The following ADGRB3 variants were observed in gnomAD, a reference collection of about 807,000 sequenced individuals.
The protein encoded by ADGRB3 is adhesion G protein-coupled receptor B3, also known as brain-specific angiogenesis inhibitor 3.
ADGRB3 carries 37 observed loss-of-function variants against 193.4 expected under a neutral mutation model. That is an observed-to-expected ratio of 0.19 (90% CI 0.15 to 0.25). The LOEUF (loss-of-function observed/expected upper bound fraction) is 0.25. Ranked by LOEUF, ADGRB3 falls within the 10% of genes least tolerant of loss-of-function variation. The probability of loss-of-function intolerance (pLI) is 1.00; values close to 1 mark genes in which losing one functional copy is unlikely to be tolerated. For synonymous variants in ADGRB3, 690 were observed against 644.2 expected (o/e 1.07, Z -1.08); for missense variants, 1,637 against 1,852.9 (o/e 0.88, Z 2.14).
At chr6:69,354,481 AT>A (rs1486987777) in intron 27 of ADGRB3, among the ~76,000 whole-genome samples, 153 bp downstream of exon 27, 1 of 152,192 alleles carries the variant, frequency 6.6e-6, no homozygotes, top group Non-Finnish European at 1.5e-5. Context: ...CCACAGAAGT[AT>A]TATTTCCAGA....
intron 13 of ADGRB3, 101 bp from the exon 14 acceptor site, chr6:69,048,084 A>C: frequency 7.8e-7 from 1 of 1,279,422 alleles, no homozygotes; most frequent in Non-Finnish European, 1.1e-6. Context: ...TTTTGACTTG[A>C]AATTTTATTT....
chr6:69,096,363 G>GTT lies in ADGRB3; in HGVS notation c.2480+20339_2480+20340dup, dbSNP rs70987448. ...AGAAAGAGGGTTTTTATTGTTTTGG[G>GTT]TTTTTTTTTTTTTTTGCTTATCTTT... On this transcript the variant is annotated intron_variant, in intron 17 of 31. Coordinates refer to ENST00000370598, the MANE Select transcript of ADGRB3 (RefSeq NM_001704.3). Among the ~76,000 whole-genome samples the GTT allele has an allele frequency of 9.6e-3, 1,271 of 132,588 alleles. 5 individuals carry two copies. Among genetic ancestry groups the GTT allele is most frequent in the African/African-American group, 0.014 (487 of 35,262 alleles). The allele number at this position is 132,588 out of a possible 152,430, so 87.0% of individuals were successfully genotyped here. A position where few individuals can be genotyped will look rare whatever the true frequency, so the allele number is the denominator to read the frequency against.
intron 3 of ADGRB3, among the ~76,000 whole-genome samples, chr6:68,665,052 G>C (rs567925269): frequency 6.6e-6 from 1 of 151,654 alleles, no homozygotes; most frequent in African/African-American, 2.4e-5. Flanking sequence ...CCTTCACCAG[G>C]CTTCACCTTC....
chr6:69,024,922 C>G (rs1770382148), intron 13 of ADGRB3, among the ~76,000 whole-genome samples: 1 of 151,938 alleles, frequency 6.6e-6, no homozygotes, highest in Non-Finnish European at 1.5e-5. Flanking sequence ...GAAACACCGT[C>G]TCTACTAAAA....
At chr6:68,847,083 C>T (rs968818599) in intron 3 of ADGRB3, among the ~76,000 whole-genome samples, 2 of 152,188 alleles carry the variant, frequency 1.3e-5, no homozygotes, top group African/African-American at 2.4e-5. Context: ...TTCAATTAGA[C>T]TGTCCCACTG....
chr6:69,355,400 G>T (rs1219797466), intron 27 of ADGRB3, among the ~76,000 whole-genome samples: 4 of 152,098 alleles, frequency 2.6e-5, no homozygotes. Context: ...TGGATTCTAA[G>T]ATGTTACATT....
intron 17 of ADGRB3, among the ~76,000 whole-genome samples, chr6:69,128,259 C>G (rs775628395): frequency 6.6e-6 from 1 of 152,054 alleles, no homozygotes; most frequent in Non-Finnish European, 1.5e-5. Flanking sequence ...ATTTGAAAGT[C>G]AAGTGTATTT....
At chr6:69,300,649 A>T (rs1353145314) in intron 20 of ADGRB3, among the ~76,000 whole-genome samples, 1 of 151,852 alleles carries the variant, frequency 6.6e-6, no homozygotes, top group Non-Finnish European at 1.5e-5. Flanking sequence ...ATTAAAAACC[A>T]GCAGCATTTA....
At chr6:68,973,212 C>G (rs555789925) in intron 8 of ADGRB3, among the ~76,000 whole-genome samples, 2 of 143,840 alleles carry the variant, frequency 1.4e-5, no homozygotes, top group Non-Finnish European at 3.2e-5. Flanking sequence ...ATTCTAGGAT[C>G]CAGTCCTGCT....
chr6:68,772,625 C>T (rs1766639926), intron 3 of ADGRB3, among the ~76,000 whole-genome samples: 1 of 151,842 alleles, frequency 6.6e-6, no homozygotes, highest in South Asian at 2.1e-4. Flanking sequence ...AAAGTCAAGA[C>T]ATTTGAAACA....
intron 17 of ADGRB3, among the ~76,000 whole-genome samples, chr6:69,160,161 T>C (rs926168056): frequency 6.6e-6 from 1 of 152,122 alleles, no homozygotes; most frequent in Non-Finnish European, 1.5e-5. Context: ...TCATAACATA[T>C]CAACCAGAGT....
intron 15 of ADGRB3, among the ~76,000 whole-genome samples, chr6:69,060,107 C>T (rs1771685305): frequency 6.6e-6 from 1 of 152,064 alleles, no homozygotes; most frequent in Non-Finnish European, 1.5e-5. Context: ...GGTATTAGCA[C>T]ACTGATATGC....
intron 3 of ADGRB3, among the ~76,000 whole-genome samples, chr6:68,793,372 C>T (rs1234448783): frequency 1.3e-5 from 2 of 151,992 alleles, no homozygotes; most frequent in Admixed American, 1.3e-4. Context: ...TGTATTCTTC[C>T]TGTGTGTGCA....
intron 17 of ADGRB3, among the ~76,000 whole-genome samples, chr6:69,198,986 A>G (rs1690760840): frequency 6.6e-6 from 1 of 152,152 alleles, no homozygotes; most frequent in African/African-American, 2.4e-5. Flanking sequence ...CAGGCAGAGC[A>G]ACTGAGCGTG....
At chr6:68,712,433 G>A (rs1026063423) in intron 3 of ADGRB3, among the ~76,000 whole-genome samples, 3 of 151,966 alleles carry the variant, frequency 2.0e-5, no homozygotes, top group Admixed American at 1.3e-4. Context: ...TTTGCCTCTA[G>A]CGTGTTTTAT....
At chr6:68,746,183 A>G (rs1418563542) in intron 3 of ADGRB3, among the ~76,000 whole-genome samples, 2 of 152,040 alleles carry the variant, frequency 1.3e-5, no homozygotes, top group East Asian at 3.9e-4. Context: ...TATAAATTTA[A>G]ATAATTTATC....
At chr6:69,001,117 G>A (rs986971320) in intron 11 of ADGRB3, among the ~76,000 whole-genome samples, 7 of 152,128 alleles carry the variant, frequency 4.6e-5, no homozygotes, top group African/African-American at 1.4e-4. Context: ...ATGAATTTTC[G>A]AAAGAGGTCT....
intron 20 of ADGRB3, among the ~76,000 whole-genome samples, chr6:69,250,830 T>A (rs191103128): frequency 6.6e-6 from 1 of 152,230 alleles, no homozygotes; most frequent in African/African-American, 2.4e-5. Flanking sequence ...ATAAATCATA[T>A]CGTGATTTAA....
Position 69,074,332 on chromosome 6 carries a change from G to A in ADGRB3, c.2437-1663G>A, listed in dbSNP as rs965429676. Among the ~76,000 whole-genome samples the A allele has an allele frequency of 1.2e-4, 19 of 152,122 alleles. 2 individuals are homozygous for A. Among genetic ancestry groups the A allele is most frequent in the Admixed American group, 7.9e-4 (12 of 15,278 alleles). On this transcript the variant is annotated intron_variant, in intron 16 of 31. Coordinates refer to ENST00000370598, the MANE Select transcript of ADGRB3 (RefSeq NM_001704.3). ...ACTATTTATTTCTAGCAAAAATTTAGAATGGACCTATCAGACAGCATTTAC... is the reference window on the plus strand; with the variant it reads ...ACTATTTATTTCTAGCAAAAATTTAAAATGGACCTATCAGACAGCATTTAC...
Sources: allele counts gnomAD v4.1 joint callset (sites outside exome capture counted in the v4.1 genomes callset), GRCh38; gene constraint gnomAD v4.1.1; transcripts MANE v1.5; gene names NCBI Gene and HGNC (gene_info 2026-07-23, HGNC 2026-07-21).